The following MXRA7 variants were observed in gnomAD, a reference collection of about 807,000 sequenced individuals.
MXRA7 encodes the protein matrix-remodeling-associated protein 7.
Under a neutral mutation model 17.4 loss-of-function variants are expected in MXRA7, and 18 were observed. The ratio of observed to expected loss-of-function variants is 1.03; its 90% CI spans 0.71 to 1.53. MXRA7 has a LOEUF of 1.53. Ranked by LOEUF, MXRA7 falls within the 40% of genes most tolerant of loss-of-function variation. MXRA7 has a pLI of 0.00. For missense variants in MXRA7, 141 were observed against 209.3 expected (o/e 0.67, Z 2.01); for synonymous variants, 70 against 101.7 (o/e 0.69, Z 1.87).
rs1053276485 is a variant in MXRA7, at chr17:76,681,335, C to T, written c.501-456G>A. Among the ~76,000 whole-genome samples the T allele has an allele frequency of 3.9e-5, 6 of 152,128 alleles. No homozygotes were observed. Among genetic ancestry groups the T allele is most frequent in the South Asian group, 2.1e-4 (1 of 4,818 alleles). ...TTCCAGATGGAGCCAACTGCATGCC[C>T]GTCTTTTATGAACCAAGACACACTG... On this transcript the variant is annotated intron_variant, in intron 3 of 3. Transcript: ENST00000449428. This position sits in a 1 kb window ranked among gnomAD's most constrained non-coding sequence, Gnocchi z 4.7.
chr17:76,704,200 A>ATTTTTTT (rs1162372827), intron 1 of MXRA7, among the ~76,000 whole-genome samples: 3 of 63,432 alleles, frequency 4.7e-5, no homozygotes, highest in African/African-American at 1.2e-4. Flanking sequence ...CTTCCTTCAG[A>ATTTTTTT]TTTTTTTTTT....
In MXRA7 at chr17:76,710,672, G is replaced by A. The variant is rs1335309370; in HGVS notation, c.275C>T (p.Pro92Leu). The change falls in exon 1 of 4, where the codon CCC becomes CTC. Residue 92 changes from proline to leucine, a missense_variant. Coordinates refer to ENST00000449428, the MANE Select transcript of MXRA7 (RefSeq NM_198530.4). ...CGCCGCGGGATCCCCTGGCCCTTCGGGCTCCCCCGGTCCCGCAGGCTCCCC... is the reference window on the plus strand; with the variant it reads ...CGCCGCGGGATCCCCTGGCCCTTCGAGCTCCCCCGGTCCCGCAGGCTCCCC... Reference protein sequence around the residue: ...ELGEPAGPGEPEGPGDPAAAP... With the variant: ...ELGEPAGPGELEGPGDPAAAP... The A allele has an allele frequency of 4.6e-6, 6 of 1,314,240 alleles. No individual in the cohort carries two copies. Among genetic ancestry groups the A allele is most frequent in the Middle Eastern group, 2.9e-4 (1 of 3,452 alleles). 81.4% of individuals were successfully genotyped at this position (1,314,240 alleles called of 1,614,324 possible). A position where few individuals can be genotyped will look rare whatever the true frequency, so the allele number is the denominator to read the frequency against.
chr17:76,695,001 A>G (rs2076518313), intron 1 of MXRA7, among the ~76,000 whole-genome samples: 1 of 152,082 alleles, frequency 6.6e-6, no homozygotes, highest in African/African-American at 2.4e-5. Flanking sequence ...CTACTAAAAA[A>G]TAAAAAAAAT....
intron 1 of MXRA7, among the ~76,000 whole-genome samples, chr17:76,708,208 C>A (rs1267658421): frequency 6.6e-6 from 1 of 152,268 alleles, no homozygotes; most frequent in African/African-American, 2.4e-5. Flanking sequence ...TCTCAATAAT[C>A]AGCTTTGTAG....
chr17:76,683,167 C>G (rs1302998612), intron 3 of MXRA7, among the ~76,000 whole-genome samples: 1 of 152,218 alleles, frequency 6.6e-6, no homozygotes, highest in Non-Finnish European at 1.5e-5. Flanking sequence ...GTCCAGCCCC[C>G]TCTAGCCTCT....
intron 1 of MXRA7, among the ~76,000 whole-genome samples, chr17:76,694,959 A>C (rs917046909): frequency 6.6e-5 from 10 of 152,020 alleles, no homozygotes; most frequent in Non-Finnish European, 1.3e-4. Context: ...GCAGTTCGAG[A>C]CCAGCCTGGA....
At chr17:76,677,774 G>A, downstream of MXRA7, 1 of 1,100,950 alleles carries the variant, frequency 9.1e-7, no homozygotes, top group Non-Finnish European at 1.4e-6. Flanking sequence ...CCTGTGTGCA[G>A]CCGGCGGAGT....
intron 1 of MXRA7, 66 bp downstream of exon 1, chr17:76,710,539 G>C (rs924486230): frequency 1.0e-5 from 12 of 1,198,008 alleles, no homozygotes; most frequent in African/African-American, 1.6e-5. Flanking sequence ...CTGGCTCGGC[G>C]GGGAACGGCA....
rs1012651232 is a variant in MXRA7 at position 76,688,637 on chromosome 17, TCA to T, written c.343-463_343-462del. On this transcript the variant is annotated intron_variant, in intron 1 of 3. Coordinates refer to ENST00000449428, the MANE Select transcript of MXRA7 (RefSeq NM_198530.4). ...ATGTTGTTTTCCATCCCCAACTCTC[TCA>T]GTGTCCATGTTCCCAAAACTGGAGC... 7.4e-5 allele frequency: 92 copies of T among 1,241,364 alleles called. No homozygotes were observed. In the African/African-American group the frequency reaches 1.2e-3, roughly 16 times the overall value. 76.9% of individuals were successfully genotyped at this position (1,241,364 alleles called of 1,614,324 possible). A position where few individuals can be genotyped will look rare whatever the true frequency, so the allele number is the denominator to read the frequency against.
chr17:76,708,811 T>C (rs919973538), intron 1 of MXRA7, among the ~76,000 whole-genome samples: 3 of 152,092 alleles, frequency 2.0e-5, no homozygotes, highest in African/African-American at 4.8e-5. Flanking sequence ...CTGACTTCAA[T>C]TGAATTCTCC....
chr17:76,700,792 T>C (rs188020480), intron 1 of MXRA7, among the ~76,000 whole-genome samples: 2 of 151,714 alleles, frequency 1.3e-5, no homozygotes, highest in East Asian at 3.9e-4. Flanking sequence ...AAGCCAAACG[T>C]GATGATACAC....
chr17:76,707,193 T>G (rs117003872), intron 1 of MXRA7, among the ~76,000 whole-genome samples: 5 of 152,196 alleles, frequency 3.3e-5, no homozygotes, highest in Admixed American at 6.5e-5. Context: ...TTGTATTTAT[T>G]TGTCATATTG....
At chr17:76,703,187 A>C (rs963497584) in intron 1 of MXRA7, among the ~76,000 whole-genome samples, 1 of 152,068 alleles carries the variant, frequency 6.6e-6, no homozygotes, top group East Asian at 1.9e-4. Context: ...GATGAATACC[A>C]AGGACATCAC....
At chr17:76,699,330 G>C (rs1325768718) in intron 1 of MXRA7, among the ~76,000 whole-genome samples, 1 of 151,728 alleles carries the variant, frequency 6.6e-6, no homozygotes, top group Non-Finnish European at 1.5e-5. Flanking sequence ...ATTTTTTGTA[G>C]AGATTGGGTC....
chr17:76,681,855 C>T lies in MXRA7; in HGVS notation c.501-976G>A, dbSNP rs1286594088. Among the ~76,000 whole-genome samples the T allele has an allele frequency of 1.3e-5, 2 of 152,178 alleles. No individual in the cohort carries two copies. The highest frequency in any genetic ancestry group is 4.8e-5 in the African/African-American group (2 of 41,446). ...GCCTCTTGCTCAGGGGAGCTGTCAC[C>T]AGCCTGCAAGCCCACTGTCCTAGCC... On this transcript the variant is annotated intron_variant, in intron 3 of 3. Coordinates refer to ENST00000449428, the MANE Select transcript of MXRA7 (RefSeq NM_198530.4). This position sits in a 1 kb window ranked among gnomAD's most constrained non-coding sequence, Gnocchi z 4.7.
intron 1 of MXRA7, chr17:76,689,212 C>T (rs2076448563): frequency 6.6e-6 from 1 of 152,266 alleles, no homozygotes; most frequent in Non-Finnish European, 1.5e-5. Context: ...GCCTCAGCCT[C>T]CCGAGTAGCT....
chr17:76,700,986 G>A (rs1161496684), intron 1 of MXRA7, among the ~76,000 whole-genome samples: 1 of 152,098 alleles, frequency 6.6e-6, no homozygotes, highest in East Asian at 1.9e-4. Context: ...AAAGGAGTCT[G>A]TGGCTGTGGG....
chr17:76,679,013 G>A (rs1240225764), downstream of MXRA7, among the ~76,000 whole-genome samples: 2 of 152,122 alleles, frequency 1.3e-5, no homozygotes, highest in Admixed American at 6.6e-5. Flanking sequence ...GAAGAAAGAG[G>A]GTCAGGTGCA....
chr17:76,674,603 G>A (rs1222979441), downstream of MXRA7: 1 of 152,164 alleles, frequency 6.6e-6, no homozygotes, highest in Non-Finnish European at 1.5e-5. Context: ...AACCCAACTG[G>A]AACAGGTGTC....
Sources: gnomAD v4.1 joint callset for allele counts (sites outside exome capture counted in the v4.1 genomes callset) on GRCh38, gnomAD v4.1.1 for gene constraint, Gnocchi (gnomAD v3.1) non-coding constraint, MANE v1.5 for transcripts, NCBI Gene and HGNC (gene_info 2026-07-23, HGNC 2026-07-21) for gene names.